The following GPR180 variants were observed in gnomAD, a reference collection of about 807,000 sequenced individuals.
GPR180 encodes the protein G protein-coupled receptor 180.
Under a neutral mutation model 52.6 loss-of-function variants are expected in GPR180, and 53 were observed. The observed-to-expected ratio is 1.01, with a 90% CI of 0.81 to 1.27. The LOEUF (loss-of-function observed/expected upper bound fraction) is 1.27, where lower values mean the gene tolerates loss of function less well. GPR180 is among the 50% of genes most tolerant of loss of function. GPR180 has a pLI of 0.00. For missense variants in GPR180, 533 were observed against 527.0 expected, an observed-to-expected ratio of 1.01 and a Z score of -0.11; for synonymous variants, 200 against 193.1, an observed-to-expected ratio of 1.04 and a Z score of -0.30.
rs928720929 is a variant in GPR180 at position 94,633,610 on chromosome 13, A to G, written c.*6439A>G. Reference sequence around the variant, plus strand: ...AAACTCTTTATAACAGAAATTGGTCATTTGTGATATGAGTCTGAACTGTGT... The same window carrying G: ...AAACTCTTTATAACAGAAATTGGTCGTTTGTGATATGAGTCTGAACTGTGT... On this transcript the variant is annotated 3_prime_UTR_variant, in exon 9 of 9. Transcript: ENST00000376958. 3 of 151,654 alleles carry G rather than the reference A, an allele frequency of 2.0e-5. No individual in the cohort carries two copies. Among genetic ancestry groups the G allele is most frequent in the Non-Finnish European group, 4.4e-5 (3 of 67,930 alleles). 9.4% of individuals were successfully genotyped at this position (151,654 alleles called of 1,614,324 possible). A position where few individuals can be genotyped will look rare whatever the true frequency, so the allele number is the denominator to read the frequency against.
At chr13:94,602,298 A>C (rs887890409) in intron 1 of GPR180, among the ~76,000 whole-genome samples, 1 of 152,158 alleles carries the variant, frequency 6.6e-6, no homozygotes, top group African/African-American at 2.4e-5. Context: ...GCCTCTCGCC[A>C]CTAGTGATCG....
Position 94,605,493 on chromosome 13 carries a change from A to T in GPR180, c.248A>T (p.Gln83Leu). The T allele has an allele frequency of 1.2e-6, 2 of 1,614,176 alleles. No homozygotes were observed. The highest frequency in any genetic ancestry group is 1.7e-6 in the Non-Finnish European group (2 of 1,179,994). ...CAAGCCCAGGAATGGCTAAAGCTAC[A>T]GCAAAGCAGTCATGGTTATAGCTGT... ...LFQAQEWLKL[Q>L]QSSHGYSCSE... Residue 83 changes from glutamine (Q) to leucine (L), a missense_variant, in exon 2 of 9, where the codon CAG (glutamine) becomes CTG (leucine). By Grantham distance (113) the Gln-to-Leu change is moderately radical (BLOSUM62 -2). Coordinates refer to ENST00000376958, the MANE Select transcript of GPR180 (RefSeq NM_180989.6).
In GPR180 at chr13:94,612,264, G is replaced by A. The variant is rs756463312; in HGVS notation, c.379G>A (p.Ala127Thr). The A allele has an allele frequency of 3.1e-6, 5 of 1,613,900 alleles. No homozygotes were observed. The highest frequency in any genetic ancestry group is 4.2e-6 in the Non-Finnish European group (5 of 1,179,780). Residue 127 changes from alanine (A) to threonine (T), a missense_variant, in exon 3 of 9, where the codon GCA becomes ACA. Physicochemically the swap from Ala to Thr is moderately conservative, Grantham distance 58. Transcript: ENST00000376958. ...TCCACAAACGTGGCATGTGTTTTAT[G>A]CAGACAAGTATACATGCCAAGATGA... Reference protein sequence around the residue: ...PSPQTWHVFYADKYTCQDDKE... With the variant: ...PSPQTWHVFYTDKYTCQDDKE...
chr13:94,607,479 G>A (rs1889648996), intron 2 of GPR180, among the ~76,000 whole-genome samples: 2 of 152,192 alleles, frequency 1.3e-5, no homozygotes, highest in Non-Finnish European at 2.9e-5. Context: ...GTGCTACTCT[G>A]AGCCTTTGCA....
At position 94,627,486 on chromosome 13, in the gene GPR180, A is replaced by G. The variant is rs1400731271; in HGVS notation, c.*315A>G. 3.4e-6 allele frequency: 1 copy of G among 292,076 alleles called. No individual in the cohort carries two copies. Among genetic ancestry groups the G allele is most frequent in the Non-Finnish European group, 6.3e-6 (1 of 159,136 alleles). 18.1% of individuals were successfully genotyped at this position (292,076 alleles called of 1,614,324 possible). On this transcript the variant is annotated 3_prime_UTR_variant, in exon 9 of 9. Coordinates refer to ENST00000376958, the MANE Select transcript of GPR180 (RefSeq NM_180989.6). ...AAATATTCACCACTTATAATGCCTC[A>G]TCTTAATAGCTAACTCAGGTTTAAT...
At chr13:94,624,900 C>T (rs780930261) in intron 7 of GPR180, among the ~76,000 whole-genome samples, 3 of 151,254 alleles carry the variant, frequency 2.0e-5, no homozygotes, top group Non-Finnish European at 2.9e-5. Flanking sequence ...GGTGCGATTT[C>T]GGCTCACTGC....
intron 8 of GPR180, among the ~76,000 whole-genome samples, chr13:94,626,329 TA>T (rs1453466635): frequency 6.6e-6 from 1 of 152,136 alleles, no homozygotes; most frequent in African/African-American, 2.4e-5. Flanking sequence ...ATACATCTTT[TA>T]AAAAATGATT....
chr13:94,614,818 A>G (rs796668938), intron 3 of GPR180, among the ~76,000 whole-genome samples: 2 of 152,332 alleles, frequency 1.3e-5, no homozygotes, highest in South Asian at 2.1e-4. Flanking sequence ...AAACCTCACT[A>G]TAATCGTATG....
intron 1 of GPR180, among the ~76,000 whole-genome samples, chr13:94,604,734 C>A (rs957295493): frequency 1.3e-5 from 2 of 152,102 alleles, no homozygotes; most frequent in African/African-American, 4.8e-5. Flanking sequence ...GCCACCAAGC[C>A]CAGCTAATTT....
At chr13:94,602,172 G>A in intron 1 of GPR180, 100 bp downstream of exon 1, 1 of 1,140,990 alleles carries the variant, frequency 8.8e-7, no homozygotes, top group Non-Finnish European at 1.1e-6. Flanking sequence ...CACGTTGGGC[G>A]AGGCCGGCGA....
At chr13:94,623,083 A>T (rs1179882699) in intron 6 of GPR180, 26 bp from the exon 7 acceptor site, 12 of 1,560,552 alleles carry the variant, frequency 7.7e-6, no homozygotes, top group South Asian at 3.5e-5. Context: ...TTTTTTCCTA[A>T]ATGTAATATT....
intron 1 of GPR180, among the ~76,000 whole-genome samples, chr13:94,604,509 G>A (rs1215798137): frequency 6.6e-6 from 1 of 152,074 alleles, no homozygotes; most frequent in Non-Finnish European, 1.5e-5. Flanking sequence ...AGAATCGCTT[G>A]AACCTGGGAG....
intron 7 of GPR180, 23 bp downstream of exon 7, chr13:94,623,323 G>A (rs1051576690): frequency 1.3e-5 from 20 of 1,560,822 alleles, no homozygotes; most frequent in Non-Finnish European, 1.5e-5. Flanking sequence ...AAAGAAAATC[G>A]TTTATTCTGA....
At position 94,633,440 on chromosome 13, in the gene GPR180, A is replaced by G. The variant is rs2138575921; in HGVS notation, c.*6269A>G. ...ATTGTACTAGATATCAATCTGATAA[A>G]TAACTTTTATTCATTATAGTTTTAA... is the stretch of plus-strand genomic sequence containing the variant. On this transcript the variant is annotated 3_prime_UTR_variant, in exon 9 of 9. Coordinates refer to ENST00000376958, the MANE Select transcript of GPR180 (RefSeq NM_180989.6). 1 of 152,264 alleles carries G rather than the reference A, an allele frequency of 6.6e-6. No homozygotes were observed. The highest frequency in any genetic ancestry group is 1.9e-4 in the East Asian group (1 of 5,170). The allele number at this position is 152,264 out of a possible 1,614,324, so 9.4% of individuals were successfully genotyped here. A position where few individuals can be genotyped will look rare whatever the true frequency, so the allele number is the denominator to read the frequency against.
chr13:94,621,077 G>C lies in GPR180; in HGVS notation c.737-1G>C. The stretch of plus-strand genomic sequence containing the variant: ...TGACGTTGGTTTTCATGTCCCATTA[G>C]TTTTTGACATCGCTTCCCAAATTCA... On this transcript the variant is annotated splice_acceptor_variant, in intron 5 of 8. Transcript: ENST00000376958. LOFTEE classifies it high-confidence loss of function. 6.2e-7 allele frequency: 1 copy of C among 1,601,452 alleles called. No individual in the cohort carries two copies. Among genetic ancestry groups the C allele is most frequent in the East Asian group, 2.3e-5 (1 of 43,894 alleles).
At chr13:94,618,420 A>ATTTTTTTTTTTTTTGTTTT (rs1889806658) in intron 3 of GPR180, among the ~76,000 whole-genome samples, 1 of 87,156 alleles carries the variant, frequency 1.1e-5, no homozygotes. Context: ...TCAGCACAGG[A>ATTTTTTTTTTTTTTGTTTT]TTTTTTTTTT....
chr13:94,614,771 A>G (rs1889755329), intron 3 of GPR180, among the ~76,000 whole-genome samples: 1 of 152,198 alleles, frequency 6.6e-6, no homozygotes, highest in South Asian at 2.1e-4. Flanking sequence ...GGGAAGTTAC[A>G]TTGAGTATGT....
intron 2 of GPR180, 88 bp from the exon 3 acceptor site, chr13:94,612,102 T>C: frequency 1.0e-6 from 1 of 994,542 alleles, no homozygotes; most frequent in Non-Finnish European, 1.5e-6. Context: ...ATTAAAAGAT[T>C]GTCCTAACCT....
At chr13:94,623,604 TG>T (rs1302979018) in intron 7 of GPR180, among the ~76,000 whole-genome samples, 3 of 151,476 alleles carry the variant, frequency 2.0e-5, no homozygotes, top group Non-Finnish European at 4.4e-5. Context: ...TGCTTGAGCC[TG>T]TGCATTGAAG....
Sources: allele counts gnomAD v4.1 joint callset (sites outside exome capture counted in the v4.1 genomes callset), GRCh38; gene constraint gnomAD v4.1.1; transcripts MANE v1.5; gene names NCBI Gene and HGNC (gene_info 2026-07-23, HGNC 2026-07-21).